The following IMMP2L variants were observed in gnomAD, a reference collection of about 807,000 sequenced individuals.
IMMP2L encodes inner mitochondrial membrane peptidase subunit 2, also known as mitochondrial inner membrane protease subunit 2.
In IMMP2L, 18 loss-of-function variants were observed where a neutral mutation model predicts 19.3. The observed-to-expected ratio is 0.93, with a 90% CI of 0.64 to 1.38. IMMP2L has a LOEUF of 1.38. Among genes scored for constraint, IMMP2L ranks in the 40% most tolerant of loss-of-function variants. IMMP2L has a pLI of 0.00. For missense variants in IMMP2L, 233 were observed against 218.2 expected (o/e 1.07, Z -0.43); for synonymous variants, 76 against 73.0 (o/e 1.04, Z -0.21).
At chr7:111,541,097 A>T (rs1848471706) in intron 1 of IMMP2L, among the ~76,000 whole-genome samples, 1 of 152,190 alleles carries the variant, frequency 6.6e-6, no homozygotes, top group Non-Finnish European at 1.5e-5. Flanking sequence ...ATTTGAATAG[A>T]TGACCTTAGC....
chr7:111,190,467 T>C lies in IMMP2L; in HGVS notation c.240-226902A>G, dbSNP rs1252911105. On this transcript the variant is annotated intron_variant, in intron 3 of 5. Coordinates refer to ENST00000405709, the MANE Select transcript of IMMP2L (RefSeq NM_032549.4). ...TTTTATTTTGCATAAAATATATGTA[T>C]ATATAAAACACAAAAAATACAAAAT... 1.2e-4 allele frequency among the ~76,000 whole-genome samples: 18 copies of C among 152,118 alleles called. 1 individual carries two copies. The highest frequency in any genetic ancestry group is 2.4e-4 in the Non-Finnish European group (16 of 68,012).
rs545405315 is a variant in IMMP2L, at chr7:110,924,847, C to A, written c.306-38152G>T. ...ATTTGAAAAAATGTTCTGGTTCATG[C>A]CTCTGCCACTACACTGCCTTAGAGC... is the stretch of plus-strand genomic sequence containing the variant. On this transcript the variant is annotated intron_variant, in intron 4 of 5. Transcript: ENST00000405709. This position sits in a 1 kb window ranked among gnomAD's most constrained non-coding sequence, Gnocchi z 4.2. Among the ~76,000 whole-genome samples the A allele has an allele frequency of 6.6e-6, 1 of 152,188 alleles. No homozygotes were observed. The highest frequency in any genetic ancestry group is 2.4e-5 in the African/African-American group (1 of 41,540).
At chr7:110,691,406 G>C (rs1584513835) in intron 5 of IMMP2L, among the ~76,000 whole-genome samples, 1 of 151,962 alleles carries the variant, frequency 6.6e-6, no homozygotes, top group Non-Finnish European at 1.5e-5. Context: ...CATTGGCCTA[G>C]GCAAAGAATT....
chr7:110,814,136 G>A (rs1802264450), intron 5 of IMMP2L, among the ~76,000 whole-genome samples: 1 of 151,910 alleles, frequency 6.6e-6, no homozygotes, highest in South Asian at 2.1e-4. Context: ...CCATTTTACT[G>A]TATTGTTTTC....
intron 5 of IMMP2L, among the ~76,000 whole-genome samples, chr7:110,829,625 A>G (rs1563006027): frequency 6.6e-6 from 1 of 152,196 alleles, no homozygotes; most frequent in African/African-American, 2.4e-5. Context: ...GAAAAACCCC[A>G]AGCATCTGTG....
chr7:111,187,780 G>T (rs1379642133), intron 3 of IMMP2L, among the ~76,000 whole-genome samples: 1 of 152,100 alleles, frequency 6.6e-6, no homozygotes, highest in Non-Finnish European at 1.5e-5. Context: ...AGAGGAAACT[G>T]AAGCACAGAG....
At chr7:110,893,916 G>A (rs888220635) in intron 4 of IMMP2L, among the ~76,000 whole-genome samples, 1 of 151,754 alleles carries the variant, frequency 6.6e-6, no homozygotes, top group Non-Finnish European at 1.5e-5. Context: ...GAAGGCAAAT[G>A]TAGCCTTTAC....
chr7:110,845,211 T>C (rs1164885917), intron 5 of IMMP2L, among the ~76,000 whole-genome samples: 1 of 152,200 alleles, frequency 6.6e-6, no homozygotes, highest in African/African-American at 2.4e-5. Context: ...GTACAGTGCT[T>C]AGCAGACAGT....
intron 5 of IMMP2L, among the ~76,000 whole-genome samples, chr7:110,776,492 T>C (rs1799397575): frequency 6.6e-6 from 1 of 152,006 alleles, no homozygotes; most frequent in South Asian, 2.1e-4. Context: ...AGCAGAAGGC[T>C]TTCTGATCCT....
In IMMP2L at chr7:111,345,202, A is replaced by G. The variant is rs141870543; in HGVS notation, c.239+142036T>C. ...TTTATCACTCCTGGGCAAATCTAAT[A>G]TTACTAAATGTGTAATATTACTAAT... On this transcript the variant is annotated intron_variant, in intron 3 of 5. Coordinates refer to ENST00000405709, the MANE Select transcript of IMMP2L (RefSeq NM_032549.4). Among the ~76,000 whole-genome samples the G allele has an allele frequency of 3.6e-3, 547 of 152,296 alleles. 2 individuals are homozygous for G. The highest frequency in any genetic ancestry group is 6.0e-3 in the Admixed American group (92 of 15,274).
chr7:111,531,216 A>G (rs930992948), intron 1 of IMMP2L, among the ~76,000 whole-genome samples: 2 of 151,870 alleles, frequency 1.3e-5, no homozygotes, highest in Non-Finnish European at 2.9e-5. Context: ...CGGCCTCCCA[A>G]AGTGCTGGGA....
intron 5 of IMMP2L, among the ~76,000 whole-genome samples, chr7:110,762,925 G>A (rs933811557): frequency 1.3e-5 from 2 of 152,100 alleles, no homozygotes; most frequent in Admixed American, 1.3e-4. Context: ...TTATTAATCA[G>A]GATTTGTTTA....
intron 3 of IMMP2L, among the ~76,000 whole-genome samples, chr7:111,238,996 C>T (rs1327359439): frequency 2.6e-5 from 4 of 151,958 alleles, no homozygotes; most frequent in African/African-American, 7.2e-5. Flanking sequence ...GTAGCTTTCA[C>T]TTTCACTATT....
intron 3 of IMMP2L, among the ~76,000 whole-genome samples, chr7:111,230,241 C>G (rs543089158): frequency 6.6e-6 from 1 of 152,136 alleles, no homozygotes; most frequent in Admixed American, 6.6e-5. Context: ...GTCATTCTTA[C>G]AGCCAATTTA....
chr7:111,536,415 T>A (rs1249284707), intron 1 of IMMP2L, among the ~76,000 whole-genome samples: 1 of 151,858 alleles, frequency 6.6e-6, no homozygotes, highest in African/African-American at 2.4e-5. Flanking sequence ...CAAGTGATCC[T>A]CCCACTTCTG....
At chr7:111,479,214 T>C (rs957145742) in intron 3 of IMMP2L, among the ~76,000 whole-genome samples, 10 of 152,126 alleles carry the variant, frequency 6.6e-5, no homozygotes, top group Non-Finnish European at 7.4e-5. Flanking sequence ...TGCTTGCAAA[T>C]TGACAGAACC....
intron 4 of IMMP2L, among the ~76,000 whole-genome samples, chr7:110,894,481 A>T (rs1055948940): frequency 6.6e-6 from 1 of 152,138 alleles, no homozygotes; most frequent in Admixed American, 6.5e-5. Context: ...TAATGATTTG[A>T]GCATCTTTTC....
chr7:110,818,298 G>A (rs1471330783), intron 5 of IMMP2L, among the ~76,000 whole-genome samples: 1 of 152,118 alleles, frequency 6.6e-6, no homozygotes, highest in East Asian at 1.9e-4. Flanking sequence ...CAACAAGTGG[G>A]CGAAGGATAT....
intron 3 of IMMP2L, among the ~76,000 whole-genome samples, chr7:111,157,586 GAGA>G (rs1804782074): frequency 6.6e-6 from 1 of 152,074 alleles, no homozygotes; most frequent in Admixed American, 6.6e-5. Flanking sequence ...AAGCATATTG[GAGA>G]AGGAGTGGGG....
Sources: gnomAD v4.1 joint callset for allele counts (sites outside exome capture counted in the v4.1 genomes callset) on GRCh38, gnomAD v4.1.1 for gene constraint, Gnocchi (gnomAD v3.1) non-coding constraint, MANE v1.5 for transcripts, NCBI Gene and HGNC (gene_info 2026-07-23, HGNC 2026-07-21) for gene names.